The following ZBTB46 variants were observed in gnomAD, a reference collection of about 807,000 sequenced individuals.
ZBTB46 encodes zinc finger and BTB domain-containing protein 46.
A neutral mutation model predicts 44.1 loss-of-function variants in ZBTB46; 8 were observed. The observed-to-expected ratio is 0.18, with a 90% CI of 0.11 to 0.33. ZBTB46 has a LOEUF of 0.33. ZBTB46 is among the 10% of genes least tolerant of loss of function. The probability of loss-of-function intolerance (pLI) is 1.00; values close to 1 mark genes in which losing one functional copy is unlikely to be tolerated. For synonymous variants in ZBTB46, 409 were observed against 382.3 expected (o/e 1.07, Z -0.81); for missense variants, 651 against 847.7 (o/e 0.77, Z 2.88).
Position 63,790,889 on chromosome 20 carries a change from G to A in ZBTB46, c.-33-99C>T, listed in dbSNP as rs555839000. On this transcript the variant is annotated intron_variant, in intron 1 of 4. Transcript: ENST00000245663. ...AGGAGGGCCATGGGGCACAGAGTGC[G>A]GCCAGTGGGAGGACGACCCACGCGA... 5.2e-5 allele frequency: 75 copies of A among 1,431,426 alleles called. No homozygotes were observed. In the African/African-American group the frequency reaches 6.3e-4, roughly 12 times the overall value. 88.7% of individuals were successfully genotyped at this position (1,431,426 alleles called of 1,614,324 possible).
At chr20:63,779,604 T>C (rs1284845882) in intron 2 of ZBTB46, among the ~76,000 whole-genome samples, 2 of 152,000 alleles carry the variant, frequency 1.3e-5, no homozygotes, top group African/African-American at 4.8e-5. Context: ...GTATTTTTAG[T>C]AGAGACGGGG....
chr20:63,747,097 G>T lies in ZBTB46; in HGVS notation c.1603C>A (p.Leu535Met). ...CCTCGTGGGTCCTCAGGGTCCTCCA[G>T]ATAGGGCCCGTCGCCTGGGAACAGC... Reference protein sequence around the residue: ...EALFPGDGPYLEDPEDPRGEA... With the variant: ...EALFPGDGPYMEDPEDPRGEA... The change falls in exon 5 of 5, where the codon CTG (leucine) becomes ATG (methionine). Residue 535 changes from leucine (L) to methionine (M), a missense_variant. This residue lies in a region of ZBTB46 where 106 missense variants were observed against 81.0 expected (regional missense o/e 1.31). Coordinates refer to ENST00000245663, the MANE Select transcript of ZBTB46 (RefSeq NM_001369741.1). 6.2e-7 allele frequency: 1 copy of T among 1,609,700 alleles called. No individual in the cohort carries two copies. The highest frequency in any genetic ancestry group is 8.5e-7 in the Non-Finnish European group (1 of 1,179,504).
chr20:63,827,078 A>C (rs370366493), intron 1 of ZBTB46, among the ~76,000 whole-genome samples: 5 of 152,084 alleles, frequency 3.3e-5, no homozygotes, highest in African/African-American at 7.2e-5. Flanking sequence ...ACAGCAGTCC[A>C]CACAGCAGTC....
chr20:63,815,765 GGT>G (rs1253883266), intron 1 of ZBTB46, among the ~76,000 whole-genome samples: 3 of 150,692 alleles, frequency 2.0e-5, no homozygotes, highest in African/African-American at 7.3e-5. Context: ...AGTGGGTACA[GGT>G]GGGCACAAGT....
intron 1 of ZBTB46, among the ~76,000 whole-genome samples, chr20:63,811,563 G>A (rs1233697412): frequency 2.0e-5 from 3 of 152,178 alleles, no homozygotes; most frequent in Admixed American, 2.0e-4. Context: ...GATCTCGGGG[G>A]TGCAGAGAGG....
At chr20:63,761,474 T>C (rs1396319162) in intron 3 of ZBTB46, among the ~76,000 whole-genome samples, 2 of 152,172 alleles carry the variant, frequency 1.3e-5, no homozygotes, top group Non-Finnish European at 2.9e-5. Flanking sequence ...ACAGCATTTT[T>C]TCATTATCAT....
At chr20:63,820,916 G>A (rs1261442775) in intron 1 of ZBTB46, among the ~76,000 whole-genome samples, 1 of 150,752 alleles carries the variant, frequency 6.6e-6, no homozygotes, top group Non-Finnish European at 1.5e-5. Context: ...TTTTTAGATG[G>A]AGTTTCGCTC....
chr20:63,807,193 T>TTTATTGAC (rs2092687131), intron 1 of ZBTB46, among the ~76,000 whole-genome samples: 4 of 152,190 alleles, frequency 2.6e-5, no homozygotes, highest in African/African-American at 9.7e-5. Flanking sequence ...TTGTTGGAAG[T>TTTATTGAC]TTATTGACTA....
rs3810497 is a variant in ZBTB46 at position 63,822,417 on chromosome 20, T to C, written c.-34+8680A>G. On this transcript the variant is annotated intron_variant, in intron 1 of 4. Transcript: ENST00000245663. ...CCTAGAGCTGACACGTGTACACGCA[T>C]GCAAAACCCAGCCCTGGGACTGATG... Among the ~76,000 whole-genome samples the C allele has an allele frequency of 1.2e-4, 19 of 152,156 alleles. No homozygotes were observed. In the East Asian group the frequency reaches 3.3e-3, roughly 26 times the overall value.
rs1157034865 is a variant in ZBTB46, at chr20:63,790,307, T to C, written c.451A>G (p.Ser151Gly). 12 of 1,613,008 alleles carry C rather than the reference T, an allele frequency of 7.4e-6. No individual in the cohort carries two copies. The East Asian group carries it at 2.7e-4, about 36-fold the overall frequency. ...GAGATGAGAGCTTCCGTGCTGCTGC[T>C]GGACGAGGCGCCGATCTCGAACTCC... ...LAEFEIGASS[S>G]SSTEALISAV... Residue 151 changes from serine to glycine, a missense_variant, in exon 2 of 5, where the codon AGC (serine) becomes GGC (glycine). Ser to Gly is a moderately conservative substitution (Grantham distance 56). Coordinates refer to ENST00000245663, the MANE Select transcript of ZBTB46 (RefSeq NM_001369741.1).
rs11474683 is a variant in ZBTB46 at position 63,823,858 on chromosome 20, T to TTGTGTGTGTGTGTGTGTGTGTG, written c.-34+7217_-34+7238dup. On this transcript the variant is annotated intron_variant, in intron 1 of 4. Coordinates refer to ENST00000245663, the MANE Select transcript of ZBTB46 (RefSeq NM_001369741.1). ...TCCTGACCTTTGTCCTCTAGGAACC[T>TTGTGTGTGTGTGTGTGTGTGTG]TGTGTGTGTGTGTGTGTGTGTGTGT... Among the ~76,000 whole-genome samples, 1,157 of 144,788 alleles carry TTGTGTGTGTGTGTGTGTGTGTG rather than the reference T, an allele frequency of 8.0e-3. 10 individuals carry two copies. The highest frequency in any genetic ancestry group is 9.6e-3 in the Admixed American group (138 of 14,368). 95.0% of individuals were successfully genotyped at this position (144,788 alleles called of 152,430 possible).
intron 4 of ZBTB46, among the ~76,000 whole-genome samples, chr20:63,750,506 T>A (rs1420028865): frequency 6.6e-6 from 1 of 152,020 alleles, no homozygotes; most frequent in Non-Finnish European, 1.5e-5. Flanking sequence ...CCCGAAGTGC[T>A]AGGATTACAG....
At chr20:63,800,739 T>C (rs759804383) in intron 1 of ZBTB46, among the ~76,000 whole-genome samples, 7 of 152,218 alleles carry the variant, frequency 4.6e-5, no homozygotes, top group Non-Finnish European at 1.0e-4. Context: ...ACCGGCGCTG[T>C]GCTTGATTTC....
At position 63,816,047 on chromosome 20, in the gene ZBTB46, T is replaced by C. The variant is rs547692066; in HGVS notation, c.-34+15050A>G. Among the ~76,000 whole-genome samples, 271 of 114,330 alleles carry C rather than the reference T, an allele frequency of 2.4e-3. 1 individual carries two copies. Among genetic ancestry groups the C allele is most frequent in the Non-Finnish European group, 3.7e-3 (211 of 57,208 alleles). The allele number at this position is 114,330 out of a possible 152,430, so 75.0% of individuals were successfully genotyped here. Reference sequence around the variant, plus strand: ...CGCAGGTGGGCACAGGTGCGGTGGGTGCAGGTGCGGTGGGCGCAGGTGCAG... The same window carrying C: ...CGCAGGTGGGCACAGGTGCGGTGGGCGCAGGTGCGGTGGGCGCAGGTGCAG... On this transcript the variant is annotated intron_variant, in intron 1 of 4. Transcript: ENST00000245663.
intron 1 of ZBTB46, among the ~76,000 whole-genome samples, chr20:63,809,076 G>A (rs1568895272): frequency 2.6e-5 from 4 of 151,182 alleles, no homozygotes; most frequent in Admixed American, 2.0e-4. Context: ...TCGGTGCTCC[G>A]GTGCTGCAGA....
Position 63,746,825 on chromosome 20 carries a change from G to T in ZBTB46, c.*105C>A. 2.8e-6 allele frequency: 4 copies of T among 1,405,438 alleles called. No individual in the cohort carries two copies. Among genetic ancestry groups the T allele is most frequent in the Non-Finnish European group, 3.7e-6 (4 of 1,081,224 alleles). 87.1% of individuals were successfully genotyped at this position (1,405,438 alleles called of 1,614,324 possible). A position where few individuals can be genotyped will look rare whatever the true frequency, so the allele number is the denominator to read the frequency against. On this transcript the variant is annotated 3_prime_UTR_variant, in exon 5 of 5. Coordinates refer to ENST00000245663, the MANE Select transcript of ZBTB46 (RefSeq NM_001369741.1). ...GGGTTCAGGGGGAAGCAGAGGAGGG[G>T]CCGCGAGAGGGGTGAGCGTGGCCCT...
At position 63,752,976 on chromosome 20, in the gene ZBTB46, C is replaced by G; in HGVS notation, c.1223-115G>C. 8.4e-7 allele frequency: 1 copy of G among 1,184,796 alleles called. No individual in the cohort carries two copies. Among genetic ancestry groups the G allele is most frequent in the Non-Finnish European group, 1.2e-6 (1 of 863,394 alleles). 73.4% of individuals were successfully genotyped at this position (1,184,796 alleles called of 1,614,324 possible). On this transcript the variant is annotated intron_variant, in intron 3 of 4. Transcript: ENST00000245663. This position sits in a 1 kb window ranked among gnomAD's most constrained non-coding sequence, Gnocchi z 5.6. The stretch of plus-strand genomic sequence containing the variant: ...AGCCAGGACGGGCTGTCTCCCACGG[C>G]CACCCACTGGGGGCTGGTCAGCACT...
Position 63,775,744 on chromosome 20 carries a change from C to G in ZBTB46, c.1156G>C (p.Asp386His). ...AGGGAGCCGTCATCCCCCAGCACGT[C>G]GGCCTTCAGCGACAGCAGGCTGTTC... ...SKNSLLSLKA[D>H]VLGDDGSLLF... Residue 386 changes from aspartate to histidine, a missense_variant, in exon 3 of 5, where the codon GAC becomes CAC. By Grantham distance (81) the Asp-to-His change is moderately conservative. Transcript: ENST00000245663. 6.2e-7 allele frequency: 1 copy of G among 1,612,102 alleles called. No individual in the cohort carries two copies. Among genetic ancestry groups the G allele is most frequent in the Non-Finnish European group, 8.5e-7 (1 of 1,179,146 alleles).
At position 63,745,377 on chromosome 20, in the gene ZBTB46, G is replaced by A. The variant is rs1218522243; in HGVS notation, c.*1553C>T. The A allele has an allele frequency of 2.6e-5, 4 of 152,254 alleles. No homozygotes were observed. Among genetic ancestry groups the A allele is most frequent in the African/African-American group, 4.8e-5 (2 of 41,434 alleles). 9.4% of individuals were successfully genotyped at this position (152,254 alleles called of 1,614,324 possible). ...AGCCGTGACTCCTGCGCTGTACCTG[G>A]AGTCCTCCATGTACTCCTCCACAGG... On this transcript the variant is annotated 3_prime_UTR_variant, in exon 5 of 5. Transcript: ENST00000245663.
Sources: gnomAD v4.1 joint callset for allele counts (sites outside exome capture counted in the v4.1 genomes callset) on GRCh38, gnomAD v4.1.1 for gene constraint, gnomAD v4.1.1 regional missense constraint, Gnocchi (gnomAD v3.1) non-coding constraint, MANE v1.5 for transcripts, NCBI Gene and HGNC (gene_info 2026-07-23, HGNC 2026-07-21) for gene names.